Variants in FAM200B observed in about 807,000 individuals in gnomAD.
FAM200B encodes zinc finger BED-type containing 11, also known as protein FAM200B.
Under a neutral mutation model 33.1 loss-of-function variants are expected in FAM200B, and 32 were observed. The observed-to-expected ratio is 0.97, with a 90% CI of 0.73 to 1.30. The LOEUF (loss-of-function observed/expected upper bound fraction) is 1.30. FAM200B is among the 50% of genes most tolerant of loss of function. FAM200B has a pLI of 0.00. For missense variants in FAM200B, 741 were observed against 754.0 expected, an observed-to-expected ratio of 0.98 and a Z score of 0.20; for synonymous variants, 240 against 264.8, an observed-to-expected ratio of 0.91 and a Z score of 0.91.
At chr4:15,645,722 C>T in the FAM200B span, among the ~76,000 whole-genome samples, 1 of 152,144 alleles carries the variant, frequency 6.6e-6, no homozygotes, top group Non-Finnish European at 1.5e-5. Context: ...CTACCACGCC[C>T]GGCCTACTTT....
At chr4:15,649,662 T>C in the FAM200B span, among the ~76,000 whole-genome samples, 1 of 151,090 alleles carries the variant, frequency 6.6e-6, no homozygotes, top group Admixed American at 6.6e-5. Context: ...TTTATATAAA[T>C]AGTTTTTAAA....
chr4:15,679,948 T>C (rs1425460613), upstream of FAM200B, among the ~76,000 whole-genome samples: 1 of 152,246 alleles, frequency 6.6e-6, no homozygotes, highest in Non-Finnish European at 1.5e-5. Context: ...ATGTATTCAC[T>C]GAAGAGTTGT....
chr4:15,655,959 C>A, the FAM200B span, among the ~76,000 whole-genome samples: 17 of 152,196 alleles, frequency 1.1e-4, no homozygotes, highest in African/African-American at 3.6e-4. Context: ...CAGCCCACAG[C>A]GGGCGCGGGG....
chr4:15,650,693 A>T, the FAM200B span, among the ~76,000 whole-genome samples: 1 of 114,534 alleles, frequency 8.7e-6, no homozygotes, highest in Non-Finnish European at 1.7e-5. Flanking sequence ...TTTGAGACAG[A>T]GTCTCACTCT....
At chr4:15,686,016 T>A (rs1259434591) in intron 1 of FAM200B, among the ~76,000 whole-genome samples, 1 of 152,218 alleles carries the variant, frequency 6.6e-6, no homozygotes, top group East Asian at 1.9e-4. Flanking sequence ...GATGCCAACT[T>A]CTGGGTTTTA....
In FAM200B at chr4:15,687,660, AGCTT is replaced by A. The variant is rs1205421643; in HGVS notation, c.685_688del (p.Leu229MetfsTer13). The A allele has an allele frequency of 6.4e-7, 1 of 1,551,126 alleles. No individual in the cohort carries two copies. Among genetic ancestry groups the A allele is most frequent in the Non-Finnish European group, 8.7e-7 (1 of 1,146,738 alleles). On this transcript the variant is annotated frameshift_variant, in exon 2 of 2. Transcript: ENST00000422728. LOFTEE classifies it high-confidence loss of function. ...CAGTCTGGTATAGATTTTGCAATCC[AGCTT>A]GATGAAAGCACTGATATTGGAAGCT...
chr4:15,641,854 C>A, the FAM200B span, among the ~76,000 whole-genome samples: 1 of 152,008 alleles, frequency 6.6e-6, no homozygotes, highest in South Asian at 2.1e-4. Context: ...CGGCGAAACC[C>A]TGTCTCTACT....
chr4:15,667,930 A>G, the FAM200B span, among the ~76,000 whole-genome samples: 2 of 151,734 alleles, frequency 1.3e-5, no homozygotes, highest in Non-Finnish European at 2.9e-5. Context: ...AATCCCAGCT[A>G]CTCGGGAGGT....
At position 15,687,701 on chromosome 4, in the gene FAM200B, T is replaced by G. The variant is rs1301790545; in HGVS notation, c.724T>G (p.Leu242Val). The change falls in exon 2 of 2, where the codon TTA (leucine) becomes GTA (valine). Residue 242 changes from leucine to valine, a missense_variant. Leu to Val is a conservative substitution (Grantham distance 32, BLOSUM62 1). Coordinates refer to ENST00000422728, the MANE Select transcript of FAM200B (RefSeq NM_001145191.2). ...TGATATTGGAAGCTGCACAACACTT[T>G]TAGTTTATGTCAGATATGCGTGGCA... ...STDIGSCTTL[L>V]VYVRYAWQDD... is the part of the protein sequence containing the mutation. 1 of 1,551,260 alleles carries G rather than the reference T, an allele frequency of 6.4e-7. No homozygotes were observed.
the FAM200B span, among the ~76,000 whole-genome samples, chr4:15,656,011 C>A: frequency 6.6e-6 from 1 of 152,206 alleles, no homozygotes; most frequent in South Asian, 2.1e-4. Context: ...AGAGAGAGTT[C>A]TCGTGAAATT....
chr4:15,676,899 C>A (rs1477601542), upstream of FAM200B, among the ~76,000 whole-genome samples: 3 of 152,062 alleles, frequency 2.0e-5, no homozygotes, highest in South Asian at 2.1e-4. Context: ...AGAACAAAAT[C>A]TTAAGAAAAC....
chr4:15,661,883 T>C, the FAM200B span, among the ~76,000 whole-genome samples: 1 of 152,228 alleles, frequency 6.6e-6, no homozygotes, highest in Non-Finnish European at 1.5e-5. Context: ...TTTCAGGTTC[T>C]CTCAGGTGGC....
the FAM200B span, among the ~76,000 whole-genome samples, chr4:15,647,907 G>A: frequency 6.6e-6 from 1 of 152,140 alleles, no homozygotes; most frequent in African/African-American, 2.4e-5. Flanking sequence ...AGGCTGCAGT[G>A]CAGTGGCATG....
the FAM200B span, chr4:15,640,872 T>C: frequency 2.0e-6 from 3 of 1,484,038 alleles, no homozygotes; most frequent in Non-Finnish European, 1.8e-6. Flanking sequence ...AATTTAACTG[T>C]TCATATTCAT....
chr4:15,655,940 C>T, the FAM200B span, among the ~76,000 whole-genome samples: 2 of 152,212 alleles, frequency 1.3e-5, no homozygotes, highest in African/African-American at 4.8e-5. Context: ...GAGCTTCGGT[C>T]CCGGGCGGCA....
At chr4:15,642,210 A>G in the FAM200B span, among the ~76,000 whole-genome samples, 1 of 151,812 alleles carries the variant, frequency 6.6e-6, no homozygotes, top group Non-Finnish European at 1.5e-5. Context: ...CAGCCCTCTC[A>G]AAGCATGTGG....
the FAM200B span, chr4:15,655,161 GC>G: frequency 7.4e-7 from 1 of 1,343,492 alleles, no homozygotes; most frequent in Non-Finnish European, 9.8e-7. Context: ...GCTCCCCATC[GC>G]CGCCCGCACC....
the FAM200B span, among the ~76,000 whole-genome samples, chr4:15,662,250 AT>A: frequency 6.6e-6 from 1 of 152,114 alleles, no homozygotes; most frequent in Non-Finnish European, 1.5e-5. Context: ...GCTCTACTTT[AT>A]TTAGGGGCAT....
At chr4:15,639,767 A>T in the FAM200B span, among the ~76,000 whole-genome samples, 1 of 152,168 alleles carries the variant, frequency 6.6e-6, no homozygotes, top group Non-Finnish European at 1.5e-5. Flanking sequence ...TTTAACTCTG[A>T]TGTAATTTGT....
Sources: allele counts gnomAD v4.1 joint callset (sites outside exome capture counted in the v4.1 genomes callset), GRCh38; gene constraint gnomAD v4.1.1; transcripts MANE v1.5; gene names NCBI Gene and HGNC (gene_info 2026-07-23, HGNC 2026-07-21).